BRI3BP: variants seen among roughly 807,000 people sequenced by gnomAD.
BRI3BP encodes the protein BRI3 binding protein.
A neutral mutation model predicts 15.8 loss-of-function variants in BRI3BP; 7 were observed. The ratio of observed to expected loss-of-function variants is 0.44; its 90% CI spans 0.25 to 0.83. The LOEUF (loss-of-function observed/expected upper bound fraction) is 0.83. Among genes scored for constraint, BRI3BP ranks in the 40% least tolerant of loss-of-function variants. BRI3BP has a pLI of 0.20. For synonymous variants in BRI3BP, 192 were observed against 163.5 expected (o/e 1.17, Z -1.33); for missense variants, 320 against 339.3 (o/e 0.94, Z 0.45).
chr12:125,032,686 A>C (rs923834219), downstream of BRI3BP, among the ~76,000 whole-genome samples: 11 of 152,086 alleles, frequency 7.2e-5, no homozygotes, highest in Non-Finnish European at 1.0e-4. Context: ...ACGTGGGAGG[A>C]TCGCTTGAGC....
At position 125,025,473 on chromosome 12, in the gene BRI3BP, C is replaced by T; in HGVS notation, c.*43C>T. 1 of 1,487,372 alleles carries T rather than the reference C, an allele frequency of 6.7e-7. No individual in the cohort carries two copies. 92.1% of individuals were successfully genotyped at this position (1,487,372 alleles called of 1,614,324 possible). A position where few individuals can be genotyped will look rare whatever the true frequency, so the allele number is the denominator to read the frequency against. Reference sequence around the variant, plus strand: ...GGGTCCACAGTTACCAGCACGCTGTCTCAGAAAACGAAAACGGAGGAAAAA... The same window carrying T: ...GGGTCCACAGTTACCAGCACGCTGTTTCAGAAAACGAAAACGGAGGAAAAA... On this transcript the variant is annotated 3_prime_UTR_variant, in exon 3 of 3. Coordinates refer to ENST00000341446, the MANE Select transcript of BRI3BP (RefSeq NM_080626.6).
the BRI3BP span, among the ~76,000 whole-genome samples, chr12:125,038,738 C>T: frequency 6.6e-6 from 1 of 151,910 alleles, no homozygotes; most frequent in South Asian, 2.1e-4. Context: ...GCACTCCAGC[C>T]TGGGTGACAA....
At chr12:125,008,967 A>G (rs1423911723) in intron 1 of BRI3BP, among the ~76,000 whole-genome samples, 2 of 147,444 alleles carry the variant, frequency 1.4e-5, no homozygotes, top group African/African-American at 5.0e-5. Context: ...TAGGGTTCAC[A>G]CTCCTATGAA....
At chr12:125,006,014 G>A (rs1369766945) in intron 1 of BRI3BP, among the ~76,000 whole-genome samples, 1 of 152,074 alleles carries the variant, frequency 6.6e-6, no homozygotes, top group South Asian at 2.1e-4. Flanking sequence ...GCAGATGGCC[G>A]CCCTCTCCCT....
intron 2 of BRI3BP, among the ~76,000 whole-genome samples, chr12:125,014,702 G>A (rs1458110121): frequency 2.0e-5 from 3 of 152,216 alleles, no homozygotes; most frequent in African/African-American, 7.2e-5. Context: ...CATCATTTGT[G>A]TCAACAGCCT....
chr12:125,022,422 C>T (rs1324201773), intron 2 of BRI3BP, among the ~76,000 whole-genome samples: 1 of 152,202 alleles, frequency 6.6e-6, no homozygotes, highest in South Asian at 2.1e-4. Context: ...AAATGCTGAA[C>T]GTGAACTGTC....
intron 2 of BRI3BP, among the ~76,000 whole-genome samples, chr12:125,018,668 GTTC>G: frequency 6.7e-6 from 1 of 148,592 alleles, no homozygotes; most frequent in Non-Finnish European, 1.5e-5. Flanking sequence ...ATAAACTTCT[GTTC>G]TTTTTTTTTT....
chr12:124,994,049 C>T (rs1321481758), intron 1 of BRI3BP, 46 bp downstream of exon 1: 40 of 1,201,092 alleles, frequency 3.3e-5, no homozygotes, highest in Non-Finnish European at 4.1e-5. Context: ...CCGGTCGCCA[C>T]GCACCTGGCT....
rs770283346 is a variant in BRI3BP at position 125,027,070 on chromosome 12, G to T, written c.*1640G>T. ...TGGCAACCCGCTCACAGTGCCCTGC[G>T]TGCAGGTTTATAGATAACCCCTGCC... On this transcript the variant is annotated 3_prime_UTR_variant, in exon 3 of 3. Coordinates refer to ENST00000341446, the MANE Select transcript of BRI3BP (RefSeq NM_080626.6). 2 of 151,954 alleles carry T rather than the reference G, an allele frequency of 1.3e-5. No homozygotes were observed. The highest frequency in any genetic ancestry group is 2.4e-5 in the African/African-American group (1 of 41,360). The allele number at this position is 151,954 out of a possible 1,614,324, so 9.4% of individuals were successfully genotyped here.
downstream of BRI3BP, among the ~76,000 whole-genome samples, chr12:125,032,902 C>T (rs1955417216): frequency 6.6e-6 from 1 of 152,196 alleles, no homozygotes; most frequent in South Asian, 2.1e-4. Context: ...AGGAATGAGA[C>T]TTCACAGGAG....
chr12:124,993,866 G>C lies in BRI3BP; in HGVS notation c.76G>C (p.Gly26Arg). ...GCTGCTGCTGCTGCTGCTGCTGCTC[G>C]GGCTGCTGGCCCCGGGCGCGCAGGG... ...LLLLLLLLLL[G>R]LLAPGAQGAR... Residue 26 changes from glycine (G) to arginine (R), a missense_variant, in exon 1 of 3, where the codon GGG becomes CGG. Gly to Arg is a moderately radical substitution (Grantham distance 125). Transcript: ENST00000341446. 1 of 1,165,190 alleles carries C rather than the reference G, an allele frequency of 8.6e-7. No individual in the cohort carries two copies. The highest frequency in any genetic ancestry group is 1.1e-6 in the Non-Finnish European group (1 of 931,578). The allele number at this position is 1,165,190 out of a possible 1,614,324, so 72.2% of individuals were successfully genotyped here. A position where few individuals can be genotyped will look rare whatever the true frequency, so the allele number is the denominator to read the frequency against.
the BRI3BP span, among the ~76,000 whole-genome samples, chr12:125,036,666 C>A: frequency 2.0e-5 from 3 of 152,106 alleles, no homozygotes; most frequent in Non-Finnish European, 4.4e-5. Context: ...GGTCACGGTG[C>A]TACAGAATGA....
At chr12:125,043,851 G>A in the BRI3BP span, among the ~76,000 whole-genome samples, 607 of 151,932 alleles carry the variant, frequency 4.0e-3, 5 homozygotes, top group Non-Finnish European at 5.2e-3. Flanking sequence ...GCGAGACTCC[G>A]TCTCAAAAAA....
chr12:125,037,639 G>A, the BRI3BP span, among the ~76,000 whole-genome samples: 26 of 128,706 alleles, frequency 2.0e-4, no homozygotes, highest in Admixed American at 2.5e-4. Flanking sequence ...GTGAAACCCC[G>A]TCTCTACTAA....
At chr12:125,044,513 G>C in the BRI3BP span, among the ~76,000 whole-genome samples, 1 of 148,714 alleles carries the variant, frequency 6.7e-6, no homozygotes, top group Non-Finnish European at 1.5e-5. Context: ...GTAGTGCTCT[G>C]ATCTTGGCTC....
the BRI3BP span, among the ~76,000 whole-genome samples, chr12:125,041,124 C>T: frequency 3.9e-5 from 6 of 152,092 alleles, no homozygotes; most frequent in East Asian, 1.9e-4. Context: ...CGGCTCACTG[C>T]AAGCCCTGCC....
chr12:125,025,048 C>G lies in BRI3BP; in HGVS notation c.374C>G (p.Ala125Gly), dbSNP rs748412227. Residue 125 changes from alanine (A) to glycine (G), a missense_variant, in exon 3 of 3, where the codon GCG becomes GGG. Transcript: ENST00000341446. ...TCGGTGTCCAGCAGCCCGGCCCGCG[C>G]GCTCCTGCTGGTCGGCGTCGTCCTC... ...PASVSSSPAR[A>G]LLLVGVVLLA... The G allele has an allele frequency of 4.3e-6, 7 of 1,613,466 alleles. No homozygotes were observed. In the South Asian group the frequency reaches 7.7e-5, roughly 18 times the overall value.
the BRI3BP span, among the ~76,000 whole-genome samples, chr12:125,040,134 C>T: frequency 8.0e-4 from 122 of 151,562 alleles, no homozygotes; most frequent in Admixed American, 7.2e-3. Flanking sequence ...TGGTGGCGCA[C>T]GCCTGTAGTT....
At chr12:125,009,912 G>A (rs939536419) in intron 1 of BRI3BP, among the ~76,000 whole-genome samples, 11 of 152,108 alleles carry the variant, frequency 7.2e-5, no homozygotes, top group African/African-American at 2.7e-4. Context: ...GACCAGCCTG[G>A]CCAGCATGGT....
Sources: allele counts gnomAD v4.1 joint callset (sites outside exome capture counted in the v4.1 genomes callset), GRCh38; gene constraint gnomAD v4.1.1; transcripts MANE v1.5; gene names NCBI Gene and HGNC (gene_info 2026-07-23, HGNC 2026-07-21).